The following LIN7A variants were observed in gnomAD, a reference collection of about 807,000 sequenced individuals.
LIN7A encodes the protein lin-7 cell polarity scaffold A, also known as protein lin-7 homolog A.
Under a neutral mutation model 29.8 loss-of-function variants are expected in LIN7A, and 25 were observed. That is an observed-to-expected ratio of 0.84 (90% CI 0.61 to 1.17). The LOEUF (loss-of-function observed/expected upper bound fraction) is 1.17, where lower values mean the gene tolerates loss of function less well. LIN7A is among the 50% of genes most tolerant of loss of function. The pLI is 0.00. For synonymous variants in LIN7A, 118 were observed against 107.5 expected, an observed-to-expected ratio of 1.10 and a Z score of -0.60; for missense variants, 239 against 287.0, an observed-to-expected ratio of 0.83 and a Z score of 1.21.
At chr12:80,864,505 T>C (rs1168171023) in intron 2 of LIN7A, among the ~76,000 whole-genome samples, 1 of 152,198 alleles carries the variant, frequency 6.6e-6, no homozygotes, top group African/African-American at 2.4e-5. Context: ...AGGAACATTG[T>C]TGGAAAATCC....
intron 2 of LIN7A, among the ~76,000 whole-genome samples, chr12:80,875,234 A>C (rs555605864): frequency 6.6e-6 from 1 of 152,258 alleles, no homozygotes; most frequent in Admixed American, 6.5e-5. Context: ...TACCAAATGG[A>C]TCAGTCTCAG....
At chr12:80,875,109 A>C (rs1661326828) in intron 2 of LIN7A, among the ~76,000 whole-genome samples, 1 of 152,214 alleles carries the variant, frequency 6.6e-6, no homozygotes, top group South Asian at 2.1e-4. Context: ...CTAGACTGGG[A>C]CCTGGGATAC....
chr12:80,927,851 C>G (rs112937691), intron 1 of LIN7A, among the ~76,000 whole-genome samples: 50 of 152,144 alleles, frequency 3.3e-4, no homozygotes, highest in Non-Finnish European at 4.6e-4. Flanking sequence ...CAAGCTATCC[C>G]TCCCCATCCC....
intron 1 of LIN7A, among the ~76,000 whole-genome samples, chr12:80,925,678 GC>G (rs1877545272): frequency 6.6e-6 from 1 of 152,134 alleles, no homozygotes; most frequent in Non-Finnish European, 1.5e-5. Flanking sequence ...AAGTAGAAAA[GC>G]CGTGATTCAA....
At chr12:80,817,288 T>C (rs988052958) in intron 4 of LIN7A, among the ~76,000 whole-genome samples, 1 of 152,132 alleles carries the variant, frequency 6.6e-6, no homozygotes, top group Non-Finnish European at 1.5e-5. Context: ...CCCGCTTCCA[T>C]AGAGGGTTAA....
Position 80,889,319 on chromosome 12 carries a change from C to G in LIN7A, c.133G>C (p.Val45Leu), listed in dbSNP as rs771598100. The G allele has an allele frequency of 6.2e-7, 1 of 1,612,734 alleles. No individual in the cohort carries two copies. The highest frequency in any genetic ancestry group is 8.5e-7 in the Non-Finnish European group (1 of 1,179,146). The change falls in exon 2 of 6, where the codon GTA becomes CTA. Residue 45 changes from valine to leucine, a missense_variant. Val to Leu is a conservative substitution (Grantham distance 32). Transcript: ENST00000552864. ...AGGGATTGTAGCTTGTGCACTGGTA[C>G]TTCTCCAGATTCCTGTAGTTTTTCC... ...LLEKLQESGE[V>L]PVHKLQSLKK...
intron 4 of LIN7A, among the ~76,000 whole-genome samples, chr12:80,813,557 AAAAAC>A (rs1435859915): frequency 3.9e-5 from 6 of 152,194 alleles, no homozygotes; most frequent in African/African-American, 1.4e-4. Context: ...ACAGAAAACA[AAAAAC>A]AAATCAATTC....
intron 1 of LIN7A, among the ~76,000 whole-genome samples, chr12:80,891,523 C>A (rs1301083072): frequency 6.6e-6 from 1 of 152,182 alleles, no homozygotes; most frequent in Non-Finnish European, 1.5e-5. Flanking sequence ...AAATGCAATT[C>A]ATTCATTTAT....
chr12:80,824,010 A>G (rs556488914), intron 4 of LIN7A, among the ~76,000 whole-genome samples: 21 of 152,308 alleles, frequency 1.4e-4, no homozygotes, highest in African/African-American at 3.8e-4. Flanking sequence ...GCAGAAGAAA[A>G]GAAATAACTA....
intron 5 of LIN7A, among the ~76,000 whole-genome samples, chr12:80,798,063 C>T (rs2279664): frequency 0.25 from 37,608 of 152,078 alleles, 5,302 homozygotes; most frequent in South Asian, 0.44. Context: ...ATTTATGTTA[C>T]GACTCTTAGG....
At chr12:80,923,161 C>A (rs965323233) in intron 1 of LIN7A, among the ~76,000 whole-genome samples, 5 of 152,318 alleles carry the variant, frequency 3.3e-5, no homozygotes, top group Middle Eastern at 3.4e-3. Context: ...TCTACCGGAG[C>A]TGGAAAACCT....
At chr12:80,868,200 C>G (rs1314304276) in intron 2 of LIN7A, among the ~76,000 whole-genome samples, 2 of 152,204 alleles carry the variant, frequency 1.3e-5, no homozygotes, top group African/African-American at 4.8e-5. Context: ...CCAAGGTAAT[C>G]ATTCACAAAG....
At chr12:80,805,264 C>G (rs1391727263) in intron 5 of LIN7A, among the ~76,000 whole-genome samples, 2 of 152,086 alleles carry the variant, frequency 1.3e-5, no homozygotes, top group Non-Finnish European at 2.9e-5. Flanking sequence ...GAGTCATCCC[C>G]TGGAACTTGG....
intron 4 of LIN7A, among the ~76,000 whole-genome samples, chr12:80,838,001 A>T (rs1872658579): frequency 6.6e-6 from 1 of 152,220 alleles, no homozygotes; most frequent in Non-Finnish European, 1.5e-5. Flanking sequence ...GCATTGCTAA[A>T]ATAACAGCAC....
chr12:80,856,668 G>A (rs531740373), intron 2 of LIN7A, among the ~76,000 whole-genome samples: 3 of 152,272 alleles, frequency 2.0e-5, no homozygotes, highest in East Asian at 3.9e-4. Flanking sequence ...GCTACAAAGT[G>A]CTTCCTTTCA....
intron 2 of LIN7A, among the ~76,000 whole-genome samples, chr12:80,878,635 A>T (rs1189312606): frequency 6.6e-6 from 1 of 152,176 alleles, no homozygotes; most frequent in African/African-American, 2.4e-5. Context: ...CTGTTGGCGG[A>T]CGTGGCCAGC....
At chr12:80,811,358 TATTTTAGAACATATCTAAA>T in intron 5 of LIN7A, 88 bp downstream of exon 5, 1 of 479,068 alleles carries the variant, frequency 2.1e-6, no homozygotes, top group Non-Finnish European at 3.7e-6. Context: ...TAAGAAAATA[TATTTTAGAACATATCTAAA>T]ATATATTTTA....
rs912148729 is a variant in LIN7A, at chr12:80,795,908, C to T, written c.*1819G>A. On this transcript the variant is annotated 3_prime_UTR_variant, in exon 6 of 6. Coordinates refer to ENST00000552864, the MANE Select transcript of LIN7A (RefSeq NM_004664.4). The stretch of plus-strand genomic sequence containing the variant: ...CCTAACTGCCCCCACCTCACCACCC[C>T]CGTTCTCTCTAGTAAAAAATGATAT... The T allele has an allele frequency of 6.6e-6, 1 of 152,268 alleles. No homozygotes were observed. Among genetic ancestry groups the T allele is most frequent in the South Asian group, 2.1e-4 (1 of 4,826 alleles). The allele number at this position is 152,268 out of a possible 1,614,324, so 9.4% of individuals were successfully genotyped here.
chr12:80,807,580 CAATT>C (rs1386656606), intron 5 of LIN7A, among the ~76,000 whole-genome samples: 1 of 151,990 alleles, frequency 6.6e-6, no homozygotes, highest in African/African-American at 2.4e-5. Context: ...TGTGGCAAAT[CAATT>C]AGGAGAATTG....
Sources: gnomAD v4.1 joint callset for allele counts (sites outside exome capture counted in the v4.1 genomes callset) on GRCh38, gnomAD v4.1.1 for gene constraint, MANE v1.5 for transcripts, NCBI Gene and HGNC (gene_info 2026-07-23, HGNC 2026-07-21) for gene names.